MAD1L1: variants seen among roughly 807,000 people sequenced by gnomAD.
MAD1L1 encodes mitotic spindle assembly checkpoint protein MAD1.
In MAD1L1, 95 loss-of-function variants were observed where a neutral mutation model predicts 96.9. The ratio of observed to expected loss-of-function variants is 0.98; its 90% CI spans 0.83 to 1.16. The LOEUF is 1.16. Among genes scored for constraint, MAD1L1 ranks in the 50% most tolerant of loss-of-function variants. MAD1L1 has a pLI of 0.00. For missense variants in MAD1L1, 1,007 were observed against 954.4 expected, an observed-to-expected ratio of 1.06 and a Z score of -0.73; for synonymous variants, 473 against 396.6, an observed-to-expected ratio of 1.19 and a Z score of -2.29.
intron 10 of MAD1L1, among the ~76,000 whole-genome samples, chr7:2,183,510 C>G (rs900880821): frequency 6.6e-6 from 1 of 152,054 alleles, no homozygotes; most frequent in Non-Finnish European, 1.5e-5. Flanking sequence ...CCCAAATGTC[C>G]AACAATGATA....
At chr7:1,836,911 A>C (rs1392415596) in intron 18 of MAD1L1, among the ~76,000 whole-genome samples, 3 of 152,214 alleles carry the variant, frequency 2.0e-5, no homozygotes, top group African/African-American at 7.2e-5. Context: ...GGTTAGGTAA[A>C]GATTTCTTAG....
chr7:2,198,522 G>A (rs1042130422), intron 10 of MAD1L1, among the ~76,000 whole-genome samples: 2 of 152,252 alleles, frequency 1.3e-5, no homozygotes, highest in African/African-American at 4.8e-5. Flanking sequence ...GGAGCAAGGA[G>A]CCCGTGATGG....
intron 16 of MAD1L1, among the ~76,000 whole-genome samples, chr7:1,940,990 C>CTCTTCCTCCCCCCG (rs1554301022): frequency 1.4e-4 from 19 of 139,490 alleles, no homozygotes; most frequent in Non-Finnish European, 2.3e-4. Flanking sequence ...TCTTCCTCTC[C>CTCTTCCTCCCCCCG]CAGGCCTCAG....
intron 15 of MAD1L1, among the ~76,000 whole-genome samples, 179 bp from the exon 16 acceptor site, chr7:1,957,898 G>A (rs897591503): frequency 6.6e-6 from 1 of 152,208 alleles, no homozygotes; most frequent in Non-Finnish European, 1.5e-5. Context: ...ATTGGAAAAC[G>A]ACACAAGTAC....
chr7:1,882,454 C>T (rs1785744182), intron 18 of MAD1L1, among the ~76,000 whole-genome samples: 1 of 152,212 alleles, frequency 6.6e-6, no homozygotes, highest in African/African-American at 2.4e-5. Context: ...CTGTGAATGG[C>T]CTTGCCTGCC....
chr7:1,953,753 C>G (rs1014157514), intron 16 of MAD1L1, among the ~76,000 whole-genome samples: 2 of 152,240 alleles, frequency 1.3e-5, no homozygotes, highest in Non-Finnish European at 2.9e-5. Flanking sequence ...CACAACGTAT[C>G]TTTAAATGTT....
intron 12 of MAD1L1, among the ~76,000 whole-genome samples, chr7:2,016,686 CGTCT>C (rs5881917): frequency 0.98 from 149,776 of 152,302 alleles, 73,690 homozygotes; most frequent in East Asian, 1. Context: ...GCTCTCCTGC[CGTCT>C]GTCTCTTGAG....
rs1260223193 is a variant in MAD1L1 at position 2,114,798 on chromosome 7, CAA to C, written c.1073+34352_1073+34353del. On this transcript the variant is annotated intron_variant, in intron 11 of 18. Coordinates refer to ENST00000265854, the MANE Select transcript of MAD1L1 (RefSeq NM_001013836.2). The surrounding 1 kb of genome is among the most constrained non-coding windows in gnomAD (Gnocchi z 4.2). ...CAGAGACCACCTGCCCGGCAAACCC[CAA>C]AGAGTCCGTTCTGGCCCTTCACACA... is the stretch of plus-strand genomic sequence containing the variant. Among the ~76,000 whole-genome samples the C allele has an allele frequency of 6.6e-6, 1 of 152,208 alleles. No homozygotes were observed. The highest frequency in any genetic ancestry group is 1.5e-5 in the Non-Finnish European group (1 of 68,036).
At chr7:2,216,920 A>C (rs559606975) in intron 7 of MAD1L1, among the ~76,000 whole-genome samples, 18 of 152,274 alleles carry the variant, frequency 1.2e-4, no homozygotes, top group African/African-American at 4.3e-4. Context: ...ACTGAGCCTC[A>C]GCATCCACTC....
chr7:1,825,343 TGTCCTG>T (rs1428913729), intron 18 of MAD1L1, among the ~76,000 whole-genome samples: 2 of 152,216 alleles, frequency 1.3e-5, no homozygotes, highest in Non-Finnish European at 2.9e-5. Flanking sequence ...CTGCCCCAGA[TGTCCTG>T]GGCCTGGGGT....
intron 4 of MAD1L1, among the ~76,000 whole-genome samples, chr7:2,224,141 G>C (rs940379710): frequency 6.6e-6 from 1 of 152,156 alleles, no homozygotes; most frequent in Admixed American, 6.5e-5. Context: ...GCAGAGTCGG[G>C]TGGGCCCTGC....
intron 18 of MAD1L1, among the ~76,000 whole-genome samples, chr7:1,864,353 C>T (rs562113065): frequency 9.2e-5 from 14 of 152,322 alleles, no homozygotes; most frequent in African/African-American, 2.9e-4. Flanking sequence ...CTGGACGGGA[C>T]TCGGGGGAAC....
chr7:2,155,661 A>C (rs575476803), intron 10 of MAD1L1, among the ~76,000 whole-genome samples: 42 of 152,352 alleles, frequency 2.8e-4, no homozygotes, highest in Admixed American at 5.2e-4. Flanking sequence ...AAGGCTGAGT[A>C]ATACTCCATT....
intron 10 of MAD1L1, among the ~76,000 whole-genome samples, chr7:2,180,258 T>C (rs1791140147): frequency 6.6e-6 from 1 of 152,182 alleles, no homozygotes; most frequent in Non-Finnish European, 1.5e-5. Context: ...CCTGCTCACC[T>C]TGAAGCTCTG....
chr7:2,017,257 AC>A (rs1782584436), intron 12 of MAD1L1, among the ~76,000 whole-genome samples: 1 of 152,228 alleles, frequency 6.6e-6, no homozygotes, highest in Admixed American at 6.5e-5. Context: ...TAACTGCTGA[AC>A]AAACAGGCGG....
At chr7:2,011,804 C>G (rs892993332) in intron 13 of MAD1L1, among the ~76,000 whole-genome samples, 4 of 151,766 alleles carry the variant, frequency 2.6e-5, no homozygotes, top group African/African-American at 9.7e-5. Context: ...CAGCCGATAC[C>G]GTGGCTGTCT....
At chr7:2,055,482 A>C (rs1584205298) in intron 12 of MAD1L1, among the ~76,000 whole-genome samples, 1 of 152,072 alleles carries the variant, frequency 6.6e-6, no homozygotes, top group Admixed American at 6.5e-5. Context: ...CTACCAAGTC[A>C]CACTCAGATT....
intron 17 of MAD1L1, among the ~76,000 whole-genome samples, chr7:1,924,249 C>A (rs974289762): frequency 2.6e-5 from 4 of 152,220 alleles, no homozygotes; most frequent in African/African-American, 9.7e-5. Flanking sequence ...AAGCACATCA[C>A]CACAGGAGTC....
chr7:1,982,128 A>G (rs538731961), intron 14 of MAD1L1, among the ~76,000 whole-genome samples: 4 of 152,128 alleles, frequency 2.6e-5, no homozygotes, highest in Admixed American at 6.5e-5. Context: ...ACTTCATTTT[A>G]TTTAACAAAA....
Sources: allele counts gnomAD v4.1 joint callset (sites outside exome capture counted in the v4.1 genomes callset), GRCh38; gene constraint gnomAD v4.1.1; non-coding constraint Gnocchi (gnomAD v3.1); transcripts MANE v1.5; gene names NCBI Gene and HGNC (gene_info 2026-07-23, HGNC 2026-07-21).